SLC25A51: variants seen among roughly 807,000 people sequenced by gnomAD.
SLC25A51 encodes the protein solute carrier family 25 member 51, also known as mitochondrial nicotinamide adenine dinucleotide transporter SLC25A51.
SLC25A51 carries 11 observed loss-of-function variants against 19.1 expected under a neutral mutation model. That is an observed-to-expected ratio of 0.58 (90% CI 0.36 to 0.96). The LOEUF (loss-of-function observed/expected upper bound fraction) is 0.96. Among genes scored for constraint, SLC25A51 ranks in the 40% least tolerant of loss-of-function variants. The probability of loss-of-function intolerance (pLI) is 0.01; values close to 1 mark genes in which losing one functional copy is unlikely to be tolerated. For synonymous variants in SLC25A51, 105 were observed against 133.6 expected (o/e 0.79, Z 1.47); for missense variants, 201 against 365.4 (o/e 0.55, Z 3.67).
At chr9:37,901,247 G>A (rs1300898070) in intron 1 of SLC25A51, among the ~76,000 whole-genome samples, 14 of 152,058 alleles carry the variant, frequency 9.2e-5, no homozygotes, top group East Asian at 5.8e-4. Flanking sequence ...TTGGCTCACC[G>A]CAACCTCCAC....
At chr9:37,885,822 A>G, downstream of SLC25A51, 2 of 1,605,788 alleles carry the variant, frequency 1.2e-6, no homozygotes, top group South Asian at 2.2e-5. Flanking sequence ...CCGCTTGGAT[A>G]TTCGCATGGG....
At chr9:37,882,733 T>C (rs1196023775), downstream of SLC25A51, among the ~76,000 whole-genome samples, 1 of 152,170 alleles carries the variant, frequency 6.6e-6, no homozygotes, top group Non-Finnish European at 1.5e-5. Flanking sequence ...GCATCACACA[T>C]GAAGTATAGG....
In SLC25A51 at chr9:37,888,158, T is replaced by C. The variant is rs1831503818; in HGVS notation, c.393A>G (p.Thr131=). 2 of 1,614,018 alleles carry C rather than the reference T, an allele frequency of 1.2e-6. No individual in the cohort carries two copies. Among genetic ancestry groups the C allele is most frequent in the Non-Finnish European group, 1.7e-6 (2 of 1,179,874 alleles). ...TTTCCAGTGGAGTGAAAATTGCTTCTGTTGTCCCTGCAAGCACTGCCGCCA... is the reference window on the plus strand; with the variant it reads ...TTTCCAGTGGAGTGAAAATTGCTTCCGTTGTCCCTGCAAGCACTGCCGCCA... The part of the protein sequence containing the change: ...SGVAAVLAGT[T]EAIFTPLERV... Residue 131 remains threonine, a synonymous_variant, in exon 3 of 3, where the codon ACA becomes ACG. Coordinates refer to ENST00000242275, the MANE Select transcript of SLC25A51 (RefSeq NM_033412.4).
At chr9:37,890,845 T>A (rs996124715) in intron 2 of SLC25A51, among the ~76,000 whole-genome samples, 6 of 152,166 alleles carry the variant, frequency 3.9e-5, no homozygotes, top group African/African-American at 1.4e-4. Flanking sequence ...CAAACCATAT[T>A]TAAGAGTTTC....
At chr9:37,898,549 C>G (rs562591821) in intron 2 of SLC25A51, among the ~76,000 whole-genome samples, 4 of 149,774 alleles carry the variant, frequency 2.7e-5, no homozygotes, top group Non-Finnish European at 5.9e-5. Context: ...GAGTGAAACT[C>G]CATCTCAAAA....
In SLC25A51 at chr9:37,887,660, T is replaced by C; in HGVS notation, c.891A>G (p.Ile297Met). The C allele has an allele frequency of 6.2e-7, 1 of 1,607,670 alleles. No individual in the cohort carries two copies. The highest frequency in any genetic ancestry group is 8.5e-7 in the Non-Finnish European group (1 of 1,177,250). ...TGGCACTTAACTGATGGTTTTTTCATATAACCTTTAACAAGAACTCATAAG... is the reference window on the plus strand; with the variant it reads ...TGGCACTTAACTGATGGTTTTTTCACATAACCTTTAACAAGAACTCATAAG... ...NATYEFLLKVI is the reference protein window; with the variant it reads ...NATYEFLLKVM Residue 297 changes from isoleucine to methionine, a missense_variant, in exon 3 of 3, where the codon ATA (isoleucine) becomes ATG (methionine). Physicochemically the swap from Ile to Met is conservative, Grantham distance 10 (BLOSUM62 1). Transcript: ENST00000242275.
At chr9:37,890,037 A>G (rs1831548472) in intron 2 of SLC25A51, among the ~76,000 whole-genome samples, 1 of 151,796 alleles carries the variant, frequency 6.6e-6, no homozygotes, top group African/African-American at 2.4e-5. Context: ...ACATATGTGT[A>G]TGTGTGTGTG....
chr9:37,887,177 C>G (rs1323015241), downstream of SLC25A51, among the ~76,000 whole-genome samples: 1 of 151,984 alleles, frequency 6.6e-6, no homozygotes, highest in Non-Finnish European at 1.5e-5. Flanking sequence ...ATTAGCTGGG[C>G]GTGGTGGCGG....
At chr9:37,883,238 A>G (rs900578386), downstream of SLC25A51, among the ~76,000 whole-genome samples, 1 of 152,254 alleles carries the variant, frequency 6.6e-6, no homozygotes, top group African/African-American at 2.4e-5. Context: ...CTTCAAGTTC[A>G]GACAAAGCTG....
chr9:37,897,177 T>C (rs1332845373), intron 2 of SLC25A51, among the ~76,000 whole-genome samples: 2 of 152,150 alleles, frequency 1.3e-5, no homozygotes, highest in African/African-American at 4.8e-5. Flanking sequence ...ATTTCTTACA[T>C]CTATGTATTT....
At chr9:37,898,994 T>C (rs187719070) in intron 2 of SLC25A51, among the ~76,000 whole-genome samples, 1 of 152,172 alleles carries the variant, frequency 6.6e-6, no homozygotes, top group Non-Finnish European at 1.5e-5. Flanking sequence ...ACTAATTACC[T>C]ACTTAAATCC....
intron 3 of SLC25A51, among the ~76,000 whole-genome samples, chr9:37,881,326 G>A (rs1164122897): frequency 1.3e-5 from 2 of 152,162 alleles, no homozygotes; most frequent in African/African-American, 4.8e-5. Flanking sequence ...TTTAAACTCA[G>A]TAGAGAAGTG....
chr9:37,883,231 C>A (rs1831383367), downstream of SLC25A51, among the ~76,000 whole-genome samples: 1 of 152,222 alleles, frequency 6.6e-6, no homozygotes, highest in Non-Finnish European at 1.5e-5. Context: ...ATTTTGACTT[C>A]AAGTTCAGAC....
At chr9:37,899,202 T>C (rs1831789229) in intron 2 of SLC25A51, among the ~76,000 whole-genome samples, 1 of 152,228 alleles carries the variant, frequency 6.6e-6, no homozygotes, top group Non-Finnish European at 1.5e-5. Context: ...TTTTCTATCT[T>C]TTCTGACTTA....
At chr9:37,886,424 A>G, downstream of SLC25A51, 1 of 1,551,474 alleles carries the variant, frequency 6.4e-7, no homozygotes, top group Non-Finnish European at 8.7e-7. Flanking sequence ...CTCTCCTGTC[A>G]ATTCCAGGCT....
At chr9:37,901,542 T>C (rs190309393) in intron 1 of SLC25A51, among the ~76,000 whole-genome samples, 2 of 152,386 alleles carry the variant, frequency 1.3e-5, no homozygotes, top group Admixed American at 6.5e-5. Context: ...TAAGGCTGTG[T>C]ACTTTTCTTT....
intron 2 of SLC25A51, among the ~76,000 whole-genome samples, chr9:37,896,919 G>A (rs1379036334): frequency 5.9e-5 from 9 of 152,150 alleles, no homozygotes; most frequent in Non-Finnish European, 1.0e-4. Context: ...GAGATAAGAC[G>A]TGCAAATTAA....
At chr9:37,902,974 A>AG (rs1244030415) in intron 1 of SLC25A51, among the ~76,000 whole-genome samples, 3 of 152,250 alleles carry the variant, frequency 2.0e-5, no homozygotes, top group African/African-American at 7.2e-5. Context: ...GCCTGGGTCT[A>AG]GTCCTAGTTA....
chr9:37,892,566 T>TACA (rs1831616624), intron 2 of SLC25A51, among the ~76,000 whole-genome samples: 1 of 151,632 alleles, frequency 6.6e-6, no homozygotes, highest in East Asian at 1.9e-4. Context: ...ATTATATATA[T>TACA]ATATTTTTTT....
Sources: gnomAD v4.1 joint callset for allele counts (sites outside exome capture counted in the v4.1 genomes callset) on GRCh38, gnomAD v4.1.1 for gene constraint, MANE v1.5 for transcripts, NCBI Gene and HGNC (gene_info 2026-07-23, HGNC 2026-07-21) for gene names.